The following SMAP2 variants were observed in gnomAD, a reference collection of about 807,000 sequenced individuals.
The protein encoded by SMAP2 is stromal membrane-associated protein 2.
Under a neutral mutation model 56.4 loss-of-function variants are expected in SMAP2, and 25 were observed. That is an observed-to-expected ratio of 0.44 (90% confidence interval 0.32 to 0.62). The LOEUF (loss-of-function observed/expected upper bound fraction) is 0.62, where lower values mean the gene tolerates loss of function less well. Ranked by LOEUF, SMAP2 falls within the 20% of genes least tolerant of loss-of-function variation. The probability of loss-of-function intolerance (pLI) is 0.04; values close to 1 mark genes in which losing one functional copy is unlikely to be tolerated. For missense variants in SMAP2, 388 were observed against 545.6 expected (o/e 0.71, Z 2.88); for synonymous variants, 157 against 181.7 (o/e 0.86, Z 1.09).
In SMAP2 at chr1:40,422,500, T is replaced by C. The variant is rs889362019; in HGVS notation, c.*399T>C. ...ACAGGGGAAAGCTTAGAGGTCCTTC[T>C]ATATGTGTTAATAAGCTGTTTCTAA... On this transcript the variant is annotated 3_prime_UTR_variant, in exon 10 of 10. Transcript: ENST00000372718. 8 of 193,020 alleles carry C rather than the reference T, an allele frequency of 4.1e-5. No homozygotes were observed. In the East Asian group the frequency reaches 9.2e-4, roughly 22 times the overall value. 12.0% of individuals were successfully genotyped at this position (193,020 alleles called of 1,614,324 possible). A position where few individuals can be genotyped will look rare whatever the true frequency, so the allele number is the denominator to read the frequency against.
chr1:40,359,431 T>C (rs1443909185), intron 1 of SMAP2, among the ~76,000 whole-genome samples: 1 of 152,214 alleles, frequency 6.6e-6, no homozygotes, highest in Non-Finnish European at 1.5e-5. Flanking sequence ...GTTTCTTGTA[T>C]GCAACAGATC....
chr1:40,383,012 T>C (rs1421140292), intron 1 of SMAP2, among the ~76,000 whole-genome samples: 1 of 152,218 alleles, frequency 6.6e-6, no homozygotes, highest in Admixed American at 6.5e-5. Flanking sequence ...TGGAAGGCCC[T>C]ATGTCAGTCA....
At chr1:40,393,075 C>G (rs1644732716) in intron 1 of SMAP2, among the ~76,000 whole-genome samples, 1 of 146,672 alleles carries the variant, frequency 6.8e-6, no homozygotes, top group Admixed American at 6.9e-5. Context: ...GCACTCCAGC[C>G]TGGGTGACAG....
At chr1:40,384,488 TTA>T (rs2124243446) in intron 1 of SMAP2, among the ~76,000 whole-genome samples, 1 of 152,260 alleles carries the variant, frequency 6.6e-6, no homozygotes, top group South Asian at 2.1e-4. Flanking sequence ...GTCTAATGAG[TTA>T]TATGAGACAA....
At chr1:40,418,012 A>C (rs1645006559) in intron 9 of SMAP2, among the ~76,000 whole-genome samples, 1 of 152,210 alleles carries the variant, frequency 6.6e-6, no homozygotes, top group South Asian at 2.1e-4. Flanking sequence ...TAGAAAATGA[A>C]AATCAAAACA....
intron 1 of SMAP2, among the ~76,000 whole-genome samples, chr1:40,394,005 A>C (rs1644744402): frequency 6.6e-6 from 1 of 152,174 alleles, no homozygotes; most frequent in African/African-American, 2.4e-5. Flanking sequence ...AGAGCAAGGA[A>C]ATCTATCTTC....
At chr1:40,383,319 G>GCTC (rs150496189) in intron 1 of SMAP2, among the ~76,000 whole-genome samples, 3,688 of 152,252 alleles carry the variant, frequency 0.024, 60 homozygotes, top group African/African-American at 0.043. Context: ...GCTGCTCCCT[G>GCTC]CTCCTGCCTC....
At chr1:40,354,838 G>A (rs544300238) in intron 1 of SMAP2, among the ~76,000 whole-genome samples, 4 of 128,636 alleles carry the variant, frequency 3.1e-5, no homozygotes, top group African/African-American at 6.1e-5. Context: ...GTACAGTGGC[G>A]TGATCTCGGC....
intron 1 of SMAP2, among the ~76,000 whole-genome samples, chr1:40,360,004 CTTTTTT>C (rs775408458): frequency 2.0e-4 from 21 of 102,494 alleles, no homozygotes; most frequent in Admixed American, 2.6e-4. Context: ...CTTCTTCTTT[CTTTTTT>C]TTTTTTTTTT....
Position 40,379,675 on chromosome 1 carries a change from C to T in SMAP2, c.103+5452C>T, listed in dbSNP as rs187492221. On this transcript the variant is annotated intron_variant, in intron 1 of 9. Transcript: ENST00000372718. Reference sequence around the variant, plus strand: ...TCTCCTGCCTCAGCCTCCTGAGTAGCAGGGATTACAGGCACCTGACTAATT... The same window carrying T: ...TCTCCTGCCTCAGCCTCCTGAGTAGTAGGGATTACAGGCACCTGACTAATT... 2.0e-4 allele frequency among the ~76,000 whole-genome samples: 30 copies of T among 150,600 alleles called. No homozygotes were observed. In the East Asian group the frequency reaches 5.9e-3, roughly 30 times the overall value.
chr1:40,354,997 T>C (rs1343329796), intron 1 of SMAP2, among the ~76,000 whole-genome samples: 1 of 151,802 alleles, frequency 6.6e-6, no homozygotes, highest in Non-Finnish European at 1.5e-5. Flanking sequence ...TTTGTCAGGC[T>C]GGTCTCAAAC....
In SMAP2 at chr1:40,408,244, A is replaced by G. The variant is rs1468116257; in HGVS notation, c.238-409A>G. Among the ~76,000 whole-genome samples the G allele has an allele frequency of 1.3e-5, 2 of 152,246 alleles. No individual in the cohort carries two copies. Among genetic ancestry groups the G allele is most frequent in the African/African-American group, 4.8e-5 (2 of 41,460 alleles). On this transcript the variant is annotated intron_variant, in intron 2 of 9. Coordinates refer to ENST00000372718, the MANE Select transcript of SMAP2 (RefSeq NM_022733.3). The surrounding 1 kb of genome is among the most constrained non-coding windows in gnomAD (Gnocchi z 4.3). ...ATCCCTCACAAGTGTTAAGGAGTCT[A>G]CTTAAAAGCCTAATGGGAAACACAT...
At chr1:40,392,434 T>C (rs546135611) in intron 1 of SMAP2, among the ~76,000 whole-genome samples, 19 of 152,268 alleles carry the variant, frequency 1.2e-4, no homozygotes, top group South Asian at 6.2e-4. Flanking sequence ...ATTACCCACA[T>C]GGAGTCTTCA....
chr1:40,374,315 G>A lies in SMAP2; in HGVS notation c.103+92G>A. On this transcript the variant is annotated intron_variant, in intron 1 of 9. Coordinates refer to ENST00000372718, the MANE Select transcript of SMAP2 (RefSeq NM_022733.3). This position sits in a 1 kb window ranked among gnomAD's most constrained non-coding sequence, Gnocchi z 5.9. The stretch of plus-strand genomic sequence containing the variant: ...AGAGGCGGTTTCTGAAGCTTAGGCC[G>A]CCCAACTCGGCTTATAAGTGGTAAC... 3 of 1,057,544 alleles carry A rather than the reference G, an allele frequency of 2.8e-6. No individual in the cohort carries two copies. The highest frequency in any genetic ancestry group is 2.7e-5 in the South Asian group (2 of 72,910). The allele number at this position is 1,057,544 out of a possible 1,614,324, so 65.5% of individuals were successfully genotyped here.
At chr1:40,352,322 C>A (rs1407300397) in intron 1 of SMAP2, among the ~76,000 whole-genome samples, 2 of 152,060 alleles carry the variant, frequency 1.3e-5, no homozygotes, top group Admixed American at 6.6e-5. Flanking sequence ...CCAGCTTCTC[C>A]TAATGCTTGC....
At position 40,374,077 on chromosome 1, in the gene SMAP2, G is replaced by A. The variant is rs768326183; in HGVS notation, c.-44G>A. The stretch of plus-strand genomic sequence containing the variant: ...CGGACTGAGGCAGGGGTCTCTGGGG[G>A]CGAGGAGGGCGCGTCGCCCTCTGCC... On this transcript the variant is annotated 5_prime_UTR_variant, in exon 1 of 10. Coordinates refer to ENST00000372718, the MANE Select transcript of SMAP2 (RefSeq NM_022733.3). The surrounding 1 kb of genome is among the most constrained non-coding windows in gnomAD (Gnocchi z 5.9). 6 of 1,491,696 alleles carry A rather than the reference G, an allele frequency of 4.0e-6. No homozygotes were observed. In the South Asian group the frequency reaches 4.7e-5, roughly 12 times the overall value. 92.4% of individuals were successfully genotyped at this position (1,491,696 alleles called of 1,614,324 possible). A position where few individuals can be genotyped will look rare whatever the true frequency, so the allele number is the denominator to read the frequency against.
At chr1:40,365,323 A>C (rs1189236714) in intron 2 of SMAP2, 2 of 152,334 alleles carry the variant, frequency 1.3e-5, no homozygotes, top group African/African-American at 4.8e-5. Flanking sequence ...TTTAAAAGGC[A>C]CATTCTAATA....
In SMAP2 at chr1:40,416,292, C is replaced by T; in HGVS notation, c.798C>T (p.Asp266=). 1 of 1,614,136 alleles carries T rather than the reference C, an allele frequency of 6.2e-7. No homozygotes were observed. Among genetic ancestry groups the T allele is most frequent in the African/African-American group, 1.3e-5 (1 of 75,038 alleles). ...EEIGKKQLSK[D]SILSLYGSQT... ...TAGGCAAGAAACAGCTCTCTAAAGA[C>T]TCCATTCTTTCACTGTATGGATCCC... The change falls in exon 8 of 10, where the codon GAC becomes GAT. Residue 266 remains aspartate, a synonymous_variant. Coordinates refer to ENST00000372718, the MANE Select transcript of SMAP2 (RefSeq NM_022733.3).
At chr1:40,371,238 C>A (rs530790805), upstream of SMAP2, among the ~76,000 whole-genome samples, 35 of 151,914 alleles carry the variant, frequency 2.3e-4, 1 homozygote, top group Non-Finnish European at 2.9e-5. Flanking sequence ...CATGATGGAA[C>A]AGAGTGAACA....
Sources: allele counts gnomAD v4.1 joint callset (sites outside exome capture counted in the v4.1 genomes callset), GRCh38; gene constraint gnomAD v4.1.1; non-coding constraint Gnocchi (gnomAD v3.1); transcripts MANE v1.5; gene names NCBI Gene and HGNC (gene_info 2026-07-23, HGNC 2026-07-21).